PAFAH1B3: variants seen among roughly 807,000 people sequenced by gnomAD.
PAFAH1B3 encodes the protein platelet activating factor acetylhydrolase 1b catalytic subunit 3, also known as platelet-activating factor acetylhydrolase IB subunit alpha1.
A neutral mutation model predicts 24.4 loss-of-function variants in PAFAH1B3; 15 were observed. The observed-to-expected ratio is 0.62, with a 90% CI of 0.41 to 0.95. The LOEUF is 0.95. Among genes scored for constraint, PAFAH1B3 ranks in the 40% least tolerant of loss-of-function variants. PAFAH1B3 has a pLI of 0.00. For missense variants in PAFAH1B3, 266 were observed against 312.2 expected, an observed-to-expected ratio of 0.85 and a Z score of 1.12; for synonymous variants, 144 against 126.5, an observed-to-expected ratio of 1.14 and a Z score of -0.93.
intron 4 of PAFAH1B3, 23 bp from the exon 5 acceptor site, chr19:42,297,388 G>A: frequency 6.5e-7 from 1 of 1,546,400 alleles, no homozygotes; most frequent in South Asian, 1.1e-5. Flanking sequence ...ACGAGGCGTA[G>A]TAAGGAAACA....
rs772179227 is a variant in PAFAH1B3 at position 42,302,055 on chromosome 19, A to C, written c.79-16T>G. On this transcript the variant is annotated splice_polypyrimidine_tract_variant and intron_variant, in intron 1 of 4. Transcript: ENST00000262890. ...ACCGATGGTGCTGCGGGAGCGCGCGAGAGGGAGTCAATGGCATGCACGCTC... is the reference window on the plus strand; with the variant it reads ...ACCGATGGTGCTGCGGGAGCGCGCGCGAGGGAGTCAATGGCATGCACGCTC... 4.9e-5 allele frequency: 76 copies of C among 1,559,250 alleles called. No individual in the cohort carries two copies. The highest frequency in any genetic ancestry group is 1.5e-4 in the Admixed American group (8 of 51,944).
rs1599955194 is a variant in PAFAH1B3 at position 42,302,048 on chromosome 19, G to A, written c.79-9C>T. ...GCCACGAACCGATGGTGCTGCGGGAGCGCGCGAGAGGGAGTCAATGGCATG... is the reference window on the plus strand; with the variant it reads ...GCCACGAACCGATGGTGCTGCGGGAACGCGCGAGAGGGAGTCAATGGCATG... On this transcript the variant is annotated splice_polypyrimidine_tract_variant and intron_variant, in intron 1 of 4. Transcript: ENST00000262890. The A allele has an allele frequency of 6.4e-7, 1 of 1,562,494 alleles. No individual in the cohort carries two copies. The highest frequency in any genetic ancestry group is 8.7e-7 in the Non-Finnish European group (1 of 1,153,298).
intron 4 of PAFAH1B3, among the ~76,000 whole-genome samples, chr19:42,299,130 T>C (rs2038579682): frequency 6.6e-6 from 1 of 151,058 alleles, no homozygotes; most frequent in Non-Finnish European, 1.5e-5. Flanking sequence ...TTTTTTTTTT[T>C]TTTGAGACAG....
At position 42,299,979 on chromosome 19, in the gene PAFAH1B3, A is replaced by C. The variant is rs1409237447; in HGVS notation, c.399T>G (p.Val133=). ...LVNERQPQAR[V]VVLGLLPRGQ... is the part of the protein sequence containing the mutation. ...TCTCCCAGCCTCTCACCAGCACCAC[A>C]ACCCGGGCCTGGGGCTGTCGCTCAT... Residue 133 remains valine (V), a synonymous_variant, in exon 4 of 5, where the codon GTT becomes GTG. Coordinates refer to ENST00000262890, the MANE Select transcript of PAFAH1B3 (RefSeq NM_002573.4). 6.2e-7 allele frequency: 1 copy of C among 1,613,982 alleles called. No homozygotes were observed. Among genetic ancestry groups the C allele is most frequent in the Non-Finnish European group, 8.5e-7 (1 of 1,179,996 alleles).
At chr19:42,297,826 G>A (rs953878441) in intron 4 of PAFAH1B3, among the ~76,000 whole-genome samples, 9 of 152,024 alleles carry the variant, frequency 5.9e-5, no homozygotes, top group Non-Finnish European at 1.2e-4. Context: ...GCCCGCCTCG[G>A]CCTCCCAAAG....
intron 1 of PAFAH1B3, 58 bp downstream of exon 1, chr19:42,302,174 C>T: frequency 2.0e-6 from 3 of 1,520,170 alleles, no homozygotes. Context: ...ACCAGCCGTT[C>T]TCCTGAGCCA....
In PAFAH1B3 at chr19:42,297,275, G is replaced by A; in HGVS notation, c.499C>T (p.Pro167Ser). ...ELVRAALAGH[P>S]RAHFLDADPG... ...TCGGCATCTAGGAAGTGGGCCCGAG[G>A]GTGGCCAGCCAGTGCCGCCCGTACC... is the stretch of plus-strand genomic sequence containing the variant. The change falls in exon 5 of 5, where the codon CCT (proline) becomes TCT (serine). Residue 167 changes from proline to serine, a missense_variant. Physicochemically the swap from Pro to Ser is moderately conservative, Grantham distance 74. Coordinates refer to ENST00000262890, the MANE Select transcript of PAFAH1B3 (RefSeq NM_002573.4). 3 of 1,614,106 alleles carry A rather than the reference G, an allele frequency of 1.9e-6. No individual in the cohort carries two copies. Among genetic ancestry groups the A allele is most frequent in the Non-Finnish European group, 2.5e-6 (3 of 1,180,034 alleles).
Position 42,302,535 on chromosome 19 carries a change from A to C in PAFAH1B3, c.-226T>G. On this transcript the variant is annotated 5_prime_UTR_variant, in exon 1 of 5. Transcript: ENST00000262890. Reference sequence around the variant, plus strand: ...GGAATCAGGAACCTTCGCTTCCCCCACGACGGCCGCACAGTGGGCTCGCCC... The same window carrying C: ...GGAATCAGGAACCTTCGCTTCCCCCCCGACGGCCGCACAGTGGGCTCGCCC... 3 of 493,488 alleles carry C rather than the reference A, an allele frequency of 6.1e-6. No homozygotes were observed. Among genetic ancestry groups the C allele is most frequent in the South Asian group, 2.7e-5 (1 of 37,716 alleles). The allele number at this position is 493,488 out of a possible 1,614,324, so 30.6% of individuals were successfully genotyped here.
Position 42,302,612 on chromosome 19 carries a change from T to C in PAFAH1B3, c.-303A>G, listed in dbSNP as rs1049468995. ...CCCAGGCCGCGCACCCGGCACGGGG[T>C]GGGGGGAGGGAGAGGCGAGACCATC... On this transcript the variant is annotated 5_prime_UTR_variant, in exon 1 of 5. Coordinates refer to ENST00000262890, the MANE Select transcript of PAFAH1B3 (RefSeq NM_002573.4). 18 of 372,296 alleles carry C rather than the reference T, an allele frequency of 4.8e-5. No individual in the cohort carries two copies. The South Asian group carries it at 6.2e-4, about 13-fold the overall frequency. The allele number at this position is 372,296 out of a possible 1,614,324, so 23.1% of individuals were successfully genotyped here.
intron 2 of PAFAH1B3, among the ~76,000 whole-genome samples, chr19:42,300,856 C>T (rs2038611944): frequency 6.6e-6 from 1 of 151,616 alleles, no homozygotes; most frequent in Non-Finnish European, 1.5e-5. Flanking sequence ...CTCTTGTTGC[C>T]CAGGCTGGAG....
Position 42,302,426 on chromosome 19 carries a change from C to T in PAFAH1B3, c.-117G>A. ...TCGCGGCAACAAAGGACCGTCCCAACGCTAGCACACCCGCGGAGGACGAAG... is the reference window on the plus strand; with the variant it reads ...TCGCGGCAACAAAGGACCGTCCCAATGCTAGCACACCCGCGGAGGACGAAG... On this transcript the variant is annotated 5_prime_UTR_variant, in exon 1 of 5. Coordinates refer to ENST00000262890, the MANE Select transcript of PAFAH1B3 (RefSeq NM_002573.4). 1 of 884,606 alleles carries T rather than the reference C, an allele frequency of 1.1e-6. No homozygotes were observed. Among genetic ancestry groups the T allele is most frequent in the African/African-American group, 1.7e-5 (1 of 59,738 alleles). The allele number at this position is 884,606 out of a possible 1,614,324, so 54.8% of individuals were successfully genotyped here.
In PAFAH1B3 at chr19:42,297,302, G is replaced by GCTCGTTCAC; in HGVS notation, c.463_471dup (p.Val155_Glu157dup). ...TGGCCAGCCAGTGCCGCCCGTACCA[G>GCTCGTTCAC]CTCGTTCACCTGTCGGTTCTTCTCC... is the stretch of plus-strand genomic sequence containing the variant. On this transcript the variant is annotated inframe_insertion, in exon 5 of 5. Coordinates refer to ENST00000262890, the MANE Select transcript of PAFAH1B3 (RefSeq NM_002573.4). 6.2e-7 allele frequency: 1 copy of GCTCGTTCAC among 1,613,918 alleles called. No individual in the cohort carries two copies. Among genetic ancestry groups the GCTCGTTCAC allele is most frequent in the Non-Finnish European group, 8.5e-7 (1 of 1,179,794 alleles).
At chr19:42,301,205 G>A (rs1490522412) in intron 2 of PAFAH1B3, among the ~76,000 whole-genome samples, 1 of 152,120 alleles carries the variant, frequency 6.6e-6, no homozygotes, top group Non-Finnish European at 1.5e-5. Flanking sequence ...AGACCAACCT[G>A]CGCAACAGGG....
In PAFAH1B3 at chr19:42,297,111, G is replaced by A; in HGVS notation, c.663C>T (p.Gly221=). The A allele has an allele frequency of 6.2e-7, 1 of 1,610,024 alleles. No homozygotes were observed. Reference sequence around the variant, plus strand: ...CGGGCTCCAGCAGGGGAGCACCTTGGCCCTGGTCTTGGGCCAGCAGACGCA... The same window carrying A: ...CGGGCTCCAGCAGGGGAGCACCTTGACCCTGGTCTTGGGCCAGCAGACGCA... ...LLLRLLAQDQ[G]QGAPLLEPAP Residue 221 remains glycine (G), a synonymous_variant, in exon 5 of 5, where the codon GGC becomes GGT. Coordinates refer to ENST00000262890, the MANE Select transcript of PAFAH1B3 (RefSeq NM_002573.4).
At chr19:42,302,726 A>G (rs1278189230), upstream of PAFAH1B3, 2 of 199,898 alleles carry the variant, frequency 1.0e-5, no homozygotes, top group African/African-American at 4.8e-5. Flanking sequence ...GGCGGGGAAA[A>G]TCTAGCCCTC....
intron 2 of PAFAH1B3, among the ~76,000 whole-genome samples, chr19:42,300,844 T>C (rs931226109): frequency 2.6e-5 from 4 of 151,454 alleles, no homozygotes; most frequent in African/African-American, 9.7e-5. Context: ...GACGGAGTTT[T>C]GCTCTTGTTG....
At chr19:42,300,774 C>G (rs1359012754) in intron 2 of PAFAH1B3, among the ~76,000 whole-genome samples, 1 of 152,048 alleles carries the variant, frequency 6.6e-6, no homozygotes, top group Non-Finnish European at 1.5e-5. Context: ...CTGCCTCGGC[C>G]TCCCAAAGTG....
At chr19:42,300,377 A>G (rs774705174) in intron 2 of PAFAH1B3, 90 bp from the exon 3 acceptor site, 11 of 1,103,968 alleles carry the variant, frequency 1.0e-5, no homozygotes, top group Non-Finnish European at 1.5e-5. Flanking sequence ...GGTGTTAACC[A>G]AATGCCATTA....
intron 4 of PAFAH1B3, 97 bp downstream of exon 4, chr19:42,299,873 C>T: frequency 2.7e-6 from 4 of 1,497,442 alleles, no homozygotes; most frequent in Non-Finnish European, 3.7e-6. Flanking sequence ...AGCCACTGCT[C>T]TATGTCAAGC....
Sources: gnomAD v4.1 joint callset for allele counts (sites outside exome capture counted in the v4.1 genomes callset) on GRCh38, gnomAD v4.1.1 for gene constraint, MANE v1.5 for transcripts, NCBI Gene and HGNC (gene_info 2026-07-23, HGNC 2026-07-21) for gene names.